Variants in PRKN observed in about 807,000 individuals in gnomAD.
PRKN encodes E3 ubiquitin-protein ligase parkin.
In PRKN, 56 loss-of-function variants were observed where a neutral mutation model predicts 59.5. The observed-to-expected ratio is 0.94, with a 90% confidence interval of 0.76 to 1.18. The LOEUF (loss-of-function observed/expected upper bound fraction) is 1.18, where lower values mean the gene tolerates loss of function less well. Among genes scored for constraint, PRKN ranks in the 50% most tolerant of loss-of-function variants. The probability of loss-of-function intolerance (pLI) is 0.00; values close to 1 mark genes in which losing one functional copy is unlikely to be tolerated. For missense variants in PRKN, 657 were observed against 596.4 expected, an observed-to-expected ratio of 1.10 and a Z score of -1.06; for synonymous variants, 250 against 222.1, an observed-to-expected ratio of 1.13 and a Z score of -1.12.
intron 1 of PRKN, among the ~76,000 whole-genome samples, chr6:162,489,210 A>G (rs1792694401): frequency 6.6e-6 from 1 of 152,176 alleles, no homozygotes; most frequent in South Asian, 2.1e-4. Context: ...GTTCAAATTT[A>G]CTCCAATGCA....
At chr6:162,629,903 A>AT in intron 1 of PRKN, among the ~76,000 whole-genome samples, 1 of 152,312 alleles carries the variant, frequency 6.6e-6, no homozygotes, top group South Asian at 2.1e-4. Context: ...ATTGAAGTAT[A>AT]TAATTCCCAA....
intron 6 of PRKN, among the ~76,000 whole-genome samples, chr6:161,966,825 T>TTTTG (rs773349627): frequency 1.4e-4 from 21 of 152,134 alleles, no homozygotes; most frequent in Non-Finnish European, 2.5e-4. Flanking sequence ...GAGTAAAATA[T>TTTTG]TTTGTTTGTT....
chr6:161,882,803 A>G (rs912950515), intron 6 of PRKN, among the ~76,000 whole-genome samples: 6 of 152,114 alleles, frequency 3.9e-5, no homozygotes, highest in African/African-American at 1.4e-4. Context: ...CAGGAGTTCG[A>G]GACCAGCCTG....
At chr6:162,151,769 AT>A (rs1782280540) in intron 4 of PRKN, among the ~76,000 whole-genome samples, 1 of 152,238 alleles carries the variant, frequency 6.6e-6, no homozygotes, top group Non-Finnish European at 1.5e-5. Flanking sequence ...AGTTATAAAG[AT>A]AAAAATATCT....
intron 2 of PRKN, among the ~76,000 whole-genome samples, chr6:162,414,143 A>G (rs1010246270): frequency 1.3e-5 from 2 of 152,060 alleles, no homozygotes; most frequent in Non-Finnish European, 2.9e-5. Context: ...AAATCATGCC[A>G]CTGCACTCCA....
At chr6:161,948,273 C>T (rs1779856009) in intron 6 of PRKN, among the ~76,000 whole-genome samples, 1 of 152,194 alleles carries the variant, frequency 6.6e-6, no homozygotes, top group East Asian at 1.9e-4. Context: ...AGGCATGAGC[C>T]ACCGCGCCCG....
chr6:162,594,460 T>TC (rs1781422678), intron 1 of PRKN, among the ~76,000 whole-genome samples: 1 of 152,168 alleles, frequency 6.6e-6, no homozygotes, highest in African/African-American at 2.4e-5. Flanking sequence ...TTTACAGCCT[T>TC]CCCCTTCCTC....
At chr6:161,655,344 A>G (rs1784304066) in intron 7 of PRKN, among the ~76,000 whole-genome samples, 1 of 151,388 alleles carries the variant, frequency 6.6e-6, no homozygotes, top group African/African-American at 2.4e-5. Context: ...CCAGGCTCTC[A>G]CCGTCATTAG....
rs1038366796 is a variant in PRKN at position 161,457,800 on chromosome 6, T to C, written c.1084-70923A>G. ...TTACCACACTCTTAATATGAAAACA[T>C]GTGTGATAAGAAGTCCAACATTTTG... On this transcript the variant is annotated intron_variant, in intron 9 of 11. Coordinates refer to ENST00000366898, the MANE Select transcript of PRKN (RefSeq NM_004562.3). The surrounding 1 kb of genome is among the most constrained non-coding windows in gnomAD (Gnocchi z 5.0). Among the ~76,000 whole-genome samples, 1 of 152,094 alleles carries C rather than the reference T, an allele frequency of 6.6e-6. No individual in the cohort carries two copies. Among genetic ancestry groups the C allele is most frequent in the African/African-American group, 2.4e-5 (1 of 41,442 alleles).
At chr6:162,388,361 G>T (rs1055871068) in intron 2 of PRKN, among the ~76,000 whole-genome samples, 1 of 152,060 alleles carries the variant, frequency 6.6e-6, no homozygotes, top group Admixed American at 6.6e-5. Context: ...TGACACTTAC[G>T]GATCTCTAAC....
intron 7 of PRKN, among the ~76,000 whole-genome samples, chr6:161,665,766 C>A (rs534210174): frequency 6.6e-6 from 1 of 152,304 alleles, no homozygotes; most frequent in South Asian, 2.1e-4. Context: ...CGTCATCGGC[C>A]TTTTCTTCAT....
chr6:162,384,659 A>AC (rs1786695164), intron 2 of PRKN, among the ~76,000 whole-genome samples: 9 of 143,550 alleles, frequency 6.3e-5, no homozygotes, highest in Admixed American at 5.6e-4. Flanking sequence ...AAAAAAAAAA[A>AC]AAACAAAAAA....
At chr6:162,563,282 C>T (rs1016230219) in intron 1 of PRKN, among the ~76,000 whole-genome samples, 4 of 149,518 alleles carry the variant, frequency 2.7e-5, no homozygotes, top group Admixed American at 6.7e-5. Flanking sequence ...CCAGCTTCGG[C>T]GACAGAGCGA....
At chr6:162,232,452 TCA>T (rs1778463110) in intron 3 of PRKN, among the ~76,000 whole-genome samples, 2 of 152,060 alleles carry the variant, frequency 1.3e-5, no homozygotes, top group Non-Finnish European at 2.9e-5. Context: ...TAAATATAGC[TCA>T]GTTTATCAAA....
chr6:162,717,870 G>A (rs1480118983), intron 1 of PRKN, among the ~76,000 whole-genome samples: 1 of 152,168 alleles, frequency 6.6e-6, no homozygotes, highest in Non-Finnish European at 1.5e-5. Context: ...CGTTTTAAAT[G>A]TATTACCACA....
chr6:161,918,211 C>T (rs973796522), intron 6 of PRKN, among the ~76,000 whole-genome samples: 10 of 152,286 alleles, frequency 6.6e-5, no homozygotes, highest in African/African-American at 2.2e-4. Context: ...AATCAATTCA[C>T]ATATTTACCA....
At chr6:162,183,826 G>C (rs1179940500) in intron 4 of PRKN, among the ~76,000 whole-genome samples, 1 of 152,138 alleles carries the variant, frequency 6.6e-6, no homozygotes, top group African/African-American at 2.4e-5. Flanking sequence ...CAATAGCCAA[G>C]TAACTTTTTT....
chr6:161,752,728 C>T (rs997726187), intron 7 of PRKN, among the ~76,000 whole-genome samples: 3 of 152,096 alleles, frequency 2.0e-5, no homozygotes, highest in Non-Finnish European at 4.4e-5. Flanking sequence ...GCTTTTGTGT[C>T]GCAAATGGAT....
intron 4 of PRKN, among the ~76,000 whole-genome samples, chr6:162,074,692 T>C (rs1322376049): frequency 6.6e-6 from 1 of 152,126 alleles, no homozygotes; most frequent in African/African-American, 2.4e-5. Context: ...TGACTCGTCC[T>C]CCACGAAAAT....
Sources: gnomAD v4.1 joint callset for allele counts (sites outside exome capture counted in the v4.1 genomes callset) on GRCh38, gnomAD v4.1.1 for gene constraint, Gnocchi (gnomAD v3.1) non-coding constraint, MANE v1.5 for transcripts, NCBI Gene and HGNC (gene_info 2026-07-23, HGNC 2026-07-21) for gene names.